Variants in DAPK1 observed in about 807,000 individuals in gnomAD.
The protein encoded by DAPK1 is death-associated protein kinase 1.
A neutral mutation model predicts 144.9 loss-of-function variants in DAPK1; 56 were observed. The ratio of observed to expected loss-of-function variants is 0.39; its 90% confidence interval spans 0.31 to 0.48. DAPK1 has a LOEUF of 0.48. Among genes scored for constraint, DAPK1 ranks in the 20% least tolerant of loss-of-function variants. The pLI, the probability that DAPK1 is intolerant of heterozygous loss-of-function variation, is 0.95. For missense variants in DAPK1, 1,454 were observed against 1,875.4 expected, an observed-to-expected ratio of 0.78 and a Z score of 4.15; for synonymous variants, 690 against 749.0, an observed-to-expected ratio of 0.92 and a Z score of 1.29.
At chr9:87,600,854 A>G (rs563043201) in intron 2 of DAPK1, among the ~76,000 whole-genome samples, 26 of 152,330 alleles carry the variant, frequency 1.7e-4, no homozygotes, top group Admixed American at 1.6e-3. Flanking sequence ...GGCAGAAGGG[A>G]CAAGCGCCCC....
At chr9:87,616,128 G>A (rs189404101) in intron 3 of DAPK1, among the ~76,000 whole-genome samples, 10 of 152,316 alleles carry the variant, frequency 6.6e-5, no homozygotes, top group East Asian at 5.8e-4. Context: ...CTTCTCTAGC[G>A]TGGCTGCATT....
intron 3 of DAPK1, among the ~76,000 whole-genome samples, chr9:87,626,442 AACAAC>A (rs1330502836): frequency 2.4e-5 from 1 of 41,664 alleles, no homozygotes; most frequent in East Asian, 3.5e-3. Flanking sequence ...ACAAACAAAA[AACAAC>A]AACAACAACA....
Position 87,598,230 on chromosome 9 carries a change from A to G in DAPK1, c.63-6724A>G, listed in dbSNP as rs537700493. Reference sequence around the variant, plus strand: ...CACCCATAAACCACCACTAAAACCGAGCCAGGGATTTGATAACGAGTTCAA... The same window carrying G: ...CACCCATAAACCACCACTAAAACCGGGCCAGGGATTTGATAACGAGTTCAA... On this transcript the variant is annotated intron_variant, in intron 2 of 25. Transcript: ENST00000408954. Among the ~76,000 whole-genome samples, 56 of 152,280 alleles carry G rather than the reference A, an allele frequency of 3.7e-4. 1 individual carries two copies. The highest frequency in any genetic ancestry group is 1.3e-3 in the African/African-American group (55 of 41,544).
intron 3 of DAPK1, among the ~76,000 whole-genome samples, chr9:87,626,450 C>A (rs1278029936): frequency 6.6e-6 from 1 of 151,554 alleles, no homozygotes; most frequent in Non-Finnish European, 1.5e-5. Context: ...AAAACAACAA[C>A]AACAACAACA....
chr9:87,633,278 AG>A, intron 3 of DAPK1: 1 of 984,684 alleles, frequency 1.0e-6, no homozygotes, highest in Non-Finnish European at 1.2e-6. Flanking sequence ...GTAGGGATGA[AG>A]GGGGATGGGT....
chr9:87,549,142 C>T (rs1467837313), intron 2 of DAPK1, among the ~76,000 whole-genome samples: 1 of 151,884 alleles, frequency 6.6e-6, no homozygotes, highest in African/African-American at 2.4e-5. Context: ...TCCCTGTGTC[C>T]GTGTGTTCTC....
intron 2 of DAPK1, among the ~76,000 whole-genome samples, chr9:87,530,091 TC>T (rs1337542987): frequency 6.6e-6 from 1 of 152,224 alleles, no homozygotes; most frequent in African/African-American, 2.4e-5. Flanking sequence ...ATTTAGGCTT[TC>T]CCCCTCTGGG....
intron 2 of DAPK1, among the ~76,000 whole-genome samples, chr9:87,579,753 A>G (rs565498973): frequency 6.6e-6 from 1 of 152,270 alleles, no homozygotes; most frequent in South Asian, 2.1e-4. Context: ...GGAATGAATG[A>G]TCACCTTACT....
At chr9:87,526,936 A>G (rs1825534318) in intron 2 of DAPK1, among the ~76,000 whole-genome samples, 1 of 152,194 alleles carries the variant, frequency 6.6e-6, no homozygotes, top group Admixed American at 6.5e-5. Flanking sequence ...CTACTTCAAA[A>G]ACAGTTGGAG....
chr9:87,593,420 G>C (rs1357212088), intron 2 of DAPK1, among the ~76,000 whole-genome samples: 1 of 152,210 alleles, frequency 6.6e-6, no homozygotes, highest in Non-Finnish European at 1.5e-5. Flanking sequence ...TGAATATTTA[G>C]ACATCTTTCT....
chr9:87,557,576 C>G (rs1044077905), intron 2 of DAPK1, among the ~76,000 whole-genome samples: 1 of 151,750 alleles, frequency 6.6e-6, no homozygotes, highest in African/African-American at 2.4e-5. Context: ...CTTACAGAAC[C>G]CCCCTCCTGT....
At chr9:87,564,332 T>C (rs936847929) in intron 2 of DAPK1, among the ~76,000 whole-genome samples, 1 of 152,176 alleles carries the variant, frequency 6.6e-6, no homozygotes, top group African/African-American at 2.4e-5. Flanking sequence ...GGCTGTCCCA[T>C]TCACTGAGAC....
intron 2 of DAPK1, among the ~76,000 whole-genome samples, chr9:87,565,537 G>T (rs952840260): frequency 6.6e-6 from 1 of 152,052 alleles, no homozygotes; most frequent in African/African-American, 2.4e-5. Context: ...ACTAACTCAG[G>T]TTACAGATGG....
At chr9:87,559,749 G>A (rs1223031623) in intron 2 of DAPK1, among the ~76,000 whole-genome samples, 1 of 152,134 alleles carries the variant, frequency 6.6e-6, no homozygotes, top group African/African-American at 2.4e-5. Flanking sequence ...TGAGACCAGT[G>A]AGCAGGCGAA....
At chr9:87,605,318 G>T (rs747461278) in intron 3 of DAPK1, 143 bp downstream of exon 3, 4 of 677,824 alleles carry the variant, frequency 5.9e-6, no homozygotes, top group Admixed American at 2.7e-5. Context: ...GAACAATGCC[G>T]TGCTGCCTGA....
chr9:87,666,019 G>A (rs896882029), intron 18 of DAPK1, among the ~76,000 whole-genome samples: 9 of 152,170 alleles, frequency 5.9e-5, no homozygotes, highest in Non-Finnish European at 1.2e-4. Flanking sequence ...AGCCTCCGTC[G>A]GGGTGTCCAG....
At chr9:87,522,155 G>A (rs916499022) in intron 2 of DAPK1, among the ~76,000 whole-genome samples, 13 of 152,338 alleles carry the variant, frequency 8.5e-5, no homozygotes, top group African/African-American at 2.9e-4. Context: ...AATGGACTAA[G>A]ACAGTAGTCA....
At position 87,681,415 on chromosome 9, in the gene DAPK1, A is replaced by C; in HGVS notation, c.2013A>C (p.Arg671=). Residue 671 remains arginine, a synonymous_variant, in exon 20 of 26, where the codon CGA becomes CGC. Transcript: ENST00000408954. ...TCATCCATGCTCAGGATACGCACCG[A>C]GGACTCTTCATCCAGCAGCTCCGAC... ...LLARLRKDTH[R]GLFIQQLRPT... 1 of 1,602,074 alleles carries C rather than the reference A, an allele frequency of 6.2e-7. No homozygotes were observed. The highest frequency in any genetic ancestry group is 8.6e-7 in the Non-Finnish European group (1 of 1,169,046).
chr9:87,590,369 C>CAAAAAAAAAAAAAA (rs200588801), intron 2 of DAPK1, among the ~76,000 whole-genome samples: 3 of 85,738 alleles, frequency 3.5e-5, no homozygotes, highest in African/African-American at 1.2e-4. Context: ...TCATTGGCCT[C>CAAAAAAAAAAAAAA]AAAAAAAAAA....
Sources: allele counts gnomAD v4.1 joint callset (sites outside exome capture counted in the v4.1 genomes callset), GRCh38; gene constraint gnomAD v4.1.1; transcripts MANE v1.5; gene names NCBI Gene and HGNC (gene_info 2026-07-23, HGNC 2026-07-21).